Variants in FAT1 observed in about 807,000 individuals in gnomAD.
The protein encoded by FAT1 is FAT atypical cadherin 1.
A neutral mutation model predicts 329.8 loss-of-function variants in FAT1; 171 were observed. The ratio of observed to expected loss-of-function variants is 0.52; its 90% CI spans 0.46 to 0.59. The LOEUF is 0.59. FAT1 is among the 20% of genes least tolerant of loss of function. The probability of loss-of-function intolerance (pLI) is 0.00; values close to 1 mark genes in which losing one functional copy is unlikely to be tolerated. For missense variants in FAT1, 5,672 were observed against 5,774.4 expected, an observed-to-expected ratio of 0.98 and a Z score of 0.57; for synonymous variants, 2,233 against 2,228.6, an observed-to-expected ratio of 1.00 and a Z score of -0.06.
At chr4:186,664,537 AATT>A (rs139071096) in intron 2 of FAT1, among the ~76,000 whole-genome samples, 1,925 of 152,330 alleles carry the variant, frequency 0.013, 14 homozygotes, top group Non-Finnish European at 0.02. Context: ...CAAGAGATGA[AATT>A]ATATGATTAC....
intron 2 of FAT1, among the ~76,000 whole-genome samples, chr4:186,692,467 C>A (rs569255903): frequency 6.6e-6 from 1 of 151,966 alleles, no homozygotes; most frequent in Non-Finnish European, 1.5e-5. Flanking sequence ...CGCCCGCCAC[C>A]ACGCCCGGCT....
intron 26 of FAT1, chr4:186,590,527 C>CAT: frequency 2.0e-6 from 1 of 512,410 alleles, no homozygotes; most frequent in Non-Finnish European, 3.6e-6. Context: ...AGCCATACAG[C>CAT]ATGTCCTTAC....
chr4:186,614,475 C>CA, intron 11 of FAT1, 131 bp from the exon 12 acceptor site: 1 of 645,450 alleles, frequency 1.5e-6, no homozygotes, highest in Non-Finnish European at 2.3e-6. Flanking sequence ...GATAAAATCC[C>CA]AAGAGCTTTG....
rs114868716 is a variant in FAT1, at chr4:186,651,678, C to T, written c.3580+11621G>A. Among the ~76,000 whole-genome samples, 346 of 152,272 alleles carry T rather than the reference C, an allele frequency of 2.3e-3. 2 individuals carry two copies. Among genetic ancestry groups the T allele is most frequent in the Middle Eastern group, 6.8e-3 (2 of 294 alleles). On this transcript the variant is annotated intron_variant, in intron 3 of 26. Coordinates refer to ENST00000441802, the MANE Select transcript of FAT1 (RefSeq NM_005245.4). The stretch of plus-strand genomic sequence containing the variant: ...GCCGACTAGTCCACCGGCAGGGAGG[C>T]GTCACGTCCTCCGCTTCTGCAAAAC...
In FAT1 at chr4:186,653,017, T is replaced by C. The variant is rs1415080008; in HGVS notation, c.3580+10282A>G. ...TATACTAAATACAGGATTTTACATG[T>C]AAAGAAGCGAATAAAAAACAGAACA... is the stretch of plus-strand genomic sequence containing the variant. On this transcript the variant is annotated intron_variant, in intron 3 of 26. Coordinates refer to ENST00000441802, the MANE Select transcript of FAT1 (RefSeq NM_005245.4). Among the ~76,000 whole-genome samples, 3 of 152,210 alleles carry C rather than the reference T, an allele frequency of 2.0e-5. No individual in the cohort carries two copies. In the East Asian group the frequency reaches 5.8e-4, roughly 29 times the overall value.
intron 17 of FAT1, 112 bp downstream of exon 17, chr4:186,605,958 C>T (rs888710066): frequency 5.0e-6 from 5 of 997,504 alleles, no homozygotes; most frequent in Admixed American, 2.3e-5. Flanking sequence ...TTGAATTCTA[C>T]GTTTCCCATT....
rs75337800 is a variant in FAT1 at position 186,613,099 on chromosome 4, C to T, written c.9463+10G>A. 15,688 of 1,593,628 alleles carry T rather than the reference C, an allele frequency of 9.8e-3. 116 individuals are homozygous for T. The highest frequency in any genetic ancestry group is 0.012 in the Non-Finnish European group (13,486 of 1,169,086). On this transcript the variant is annotated intron_variant, in intron 13 of 26. Coordinates refer to ENST00000441802, the MANE Select transcript of FAT1 (RefSeq NM_005245.4). The stretch of plus-strand genomic sequence containing the variant: ...GAGCAGCGTCAGGCAAGAGCATTCC[C>T]GGGAGATACCTGCGTCGGCATCTGT...
chr4:186,603,020 G>A lies in FAT1; in HGVS notation c.11365C>T (p.Pro3789Ser), dbSNP rs759419795. 1.9e-6 allele frequency: 3 copies of A among 1,613,824 alleles called. No individual in the cohort carries two copies. The East Asian group carries it at 6.7e-5, about 36-fold the overall frequency. The change falls in exon 20 of 27, where the codon CCT becomes TCT. Residue 3789 changes from proline (P) to serine (S), a missense_variant. Physicochemically the swap from Pro to Ser is moderately conservative, Grantham distance 74. Transcript: ENST00000441802. ...VCLCKEGRCP[P>S]VHHGCEDDPC... ...TCATCTTCACAGCCATGGTGGACAG[G>A]TGGGCACCTTCCCTCTTCATTCAAA...
rs746286358 is a variant in FAT1 at position 186,617,090 on chromosome 4, G to A, written c.8990C>T (p.Thr2997Met). ...EKRDNYLLTI[T>M]ATDGTFSSKA... ...TGATGAGAAGGTGCCATCAGTTGCCGTGATAGTAAGAAGGTAATTGTCCCT... is the reference window on the plus strand; with the variant it reads ...TGATGAGAAGGTGCCATCAGTTGCCATGATAGTAAGAAGGTAATTGTCCCT... Residue 2997 changes from threonine to methionine, a missense_variant, in exon 11 of 27, where the codon ACG (threonine) becomes ATG (methionine). By Grantham distance (81) the Thr-to-Met change is moderately conservative (BLOSUM62 -1). Coordinates refer to ENST00000441802, the MANE Select transcript of FAT1 (RefSeq NM_005245.4). 100 of 1,613,826 alleles carry A rather than the reference G, an allele frequency of 6.2e-5. 1 individual carries two copies. Among genetic ancestry groups the A allele is most frequent in the Middle Eastern group, 4.9e-4 (3 of 6,084 alleles).
chr4:186,701,680 T>A (rs890013102), intron 2 of FAT1, among the ~76,000 whole-genome samples: 19 of 152,278 alleles, frequency 1.2e-4, no homozygotes, highest in African/African-American at 3.8e-4. Flanking sequence ...GTCAGCCTCC[T>A]CCACATTCCT....
At chr4:186,712,680 G>T (rs1200431128) in intron 1 of FAT1, among the ~76,000 whole-genome samples, 1 of 152,242 alleles carries the variant, frequency 6.6e-6, no homozygotes, top group Non-Finnish European at 1.5e-5. Flanking sequence ...CAAAGGGTCA[G>T]GGCTTACACT....
chr4:186,643,927 G>T (rs746066546), intron 3 of FAT1, among the ~76,000 whole-genome samples: 3 of 151,824 alleles, frequency 2.0e-5, no homozygotes, highest in Non-Finnish European at 4.4e-5. Context: ...TTTCATTTTC[G>T]ACATCTGTGC....
At chr4:186,597,588 A>G (rs751136247) in intron 24 of FAT1, 94 bp downstream of exon 24, 4 of 802,978 alleles carry the variant, frequency 5.0e-6, no homozygotes, top group Admixed American at 4.3e-5. Flanking sequence ...AATCTGACAT[A>G]ATGTAGTTCA....
At chr4:186,715,826 T>C (rs6820100) in intron 1 of FAT1, among the ~76,000 whole-genome samples, 11,663 of 152,290 alleles carry the variant, frequency 0.077, 551 homozygotes, top group African/African-American at 0.13. Flanking sequence ...GCTCCCAGTC[T>C]AAAGCTTAAA....
In FAT1 at chr4:186,709,104, T is replaced by G; in HGVS notation, c.724A>C (p.Lys242Gln). ...YGSSGISSMA[K>Q]LTVHIEQANE... ...GCCTGTTCGATGTGCACCGTTAGCTTGGCCATGCTGCTGATGCCACTGCTC... is the reference window on the plus strand; with the variant it reads ...GCCTGTTCGATGTGCACCGTTAGCTGGGCCATGCTGCTGATGCCACTGCTC... The change falls in exon 2 of 27, where the codon AAG (lysine) becomes CAG (glutamine). Residue 242 changes from lysine to glutamine, a missense_variant. By Grantham distance (53) the Lys-to-Gln change is moderately conservative. Transcript: ENST00000441802. 1 of 1,613,818 alleles carries G rather than the reference T, an allele frequency of 6.2e-7. No individual in the cohort carries two copies. Among genetic ancestry groups the G allele is most frequent in the Non-Finnish European group, 8.5e-7 (1 of 1,179,708 alleles).
At chr4:186,674,529 C>T (rs992432489) in intron 2 of FAT1, among the ~76,000 whole-genome samples, 5 of 152,180 alleles carry the variant, frequency 3.3e-5, no homozygotes, top group African/African-American at 1.2e-4. Flanking sequence ...GGCAACACAT[C>T]CACCAAGGTG....
rs2126466319 is a variant in FAT1, at chr4:186,611,399, T to C, written c.9840A>G (p.Ile3280Met). The change falls in exon 14 of 27, where the codon ATA (isoleucine) becomes ATG (methionine). Residue 3280 changes from isoleucine to methionine, a missense_variant. Physicochemically the swap from Ile to Met is conservative, Grantham distance 10. This residue lies in a region of FAT1 where 1,706 missense variants were observed against 1,859.1 expected (regional missense o/e 0.92). Transcript: ENST00000441802. ...ATGGTAGGTTACCTGTTTTAGAATC[T>C]ATGCTGAATTTCCCATGTTCATTTC... ...ISGNEHGKFSIDSKTGAVFII... is the reference protein window; with the variant it reads ...ISGNEHGKFSMDSKTGAVFII... 6.2e-7 allele frequency: 1 copy of C among 1,610,588 alleles called. No individual in the cohort carries two copies. The highest frequency in any genetic ancestry group is 8.5e-7 in the Non-Finnish European group (1 of 1,178,140).
chr4:186,668,031 T>C (rs575671630), intron 2 of FAT1, among the ~76,000 whole-genome samples: 1 of 152,168 alleles, frequency 6.6e-6, no homozygotes, highest in East Asian at 1.9e-4. Context: ...AGGAAGGGTC[T>C]TCCTCATGCA....
At position 186,707,968 on chromosome 4, in the gene FAT1, G is replaced by A. The variant is rs571865934; in HGVS notation, c.1860C>T (p.Asn620=). 1 of 1,613,896 alleles carries A rather than the reference G, an allele frequency of 6.2e-7. No homozygotes were observed. The highest frequency in any genetic ancestry group is 1.1e-5 in the South Asian group (1 of 91,084). The change falls in exon 2 of 27, where the codon AAC becomes AAT. Residue 620 remains asparagine (N), a synonymous_variant. Coordinates refer to ENST00000441802, the MANE Select transcript of FAT1 (RefSeq NM_005245.4). ...NELDFFSLNP[N]SGVLSLKRSL... Reference sequence around the variant, plus strand: ...ATCGCTTTAATGACAATACCCCCGAGTTGGGGTTTAAACTAAAGAAATCCA... The same window carrying A: ...ATCGCTTTAATGACAATACCCCCGAATTGGGGTTTAAACTAAAGAAATCCA...
Sources: allele counts gnomAD v4.1 joint callset (sites outside exome capture counted in the v4.1 genomes callset), GRCh38; gene constraint gnomAD v4.1.1; regional missense constraint gnomAD v4.1.1; transcripts MANE v1.5; gene names NCBI Gene and HGNC (gene_info 2026-07-23, HGNC 2026-07-21).